The following ADH1C variants were observed in gnomAD, a reference collection of about 807,000 sequenced individuals.
The protein encoded by ADH1C is alcohol dehydrogenase 1C (class I), gamma polypeptide.
A neutral mutation model predicts 35.0 loss-of-function variants in ADH1C; 26 were observed. That is an observed-to-expected ratio of 0.74 (90% CI 0.54 to 1.03). The LOEUF (loss-of-function observed/expected upper bound fraction) is 1.03. Ranked by LOEUF, ADH1C falls within the 50% of genes least tolerant of loss-of-function variation. The probability of loss-of-function intolerance (pLI) is 0.00; values close to 1 mark genes in which losing one functional copy is unlikely to be tolerated. For synonymous variants in ADH1C, 170 were observed against 169.3 expected (o/e 1.00, Z -0.03); for missense variants, 413 against 465.4 (o/e 0.89, Z 1.04).
chr4:99,339,880 T>TGA lies in ADH1C; in HGVS notation c.965-166_965-165insTC, dbSNP rs1479294440. Among the ~76,000 whole-genome samples, 201 of 131,412 alleles carry TGA rather than the reference T, an allele frequency of 1.5e-3. 1 individual carries two copies. The highest frequency in any genetic ancestry group is 4.5e-3 in the African/African-American group (181 of 39,974). 86.2% of individuals were successfully genotyped at this position (131,412 alleles called of 152,430 possible). On this transcript the variant is annotated intron_variant, in intron 7 of 8. Transcript: ENST00000515683. ...ACTTCAATATGCTTTTACAGTGCTT[T>TGA]CACAAAAAAAATCACAGATAAACAA...
intron 1 of ADH1C, among the ~76,000 whole-genome samples, chr4:99,348,551 A>G (rs942694405): frequency 6.7e-6 from 1 of 150,360 alleles, no homozygotes. Flanking sequence ...GTTGGTTCCA[A>G]GTCTTTGCTA....
rs35735210 is a variant in ADH1C, at chr4:99,341,124, T to G, written c.829-414A>C. On this transcript the variant is annotated intron_variant, in intron 6 of 8. Coordinates refer to ENST00000515683, the MANE Select transcript of ADH1C (RefSeq NM_000669.5). Reference sequence around the variant, plus strand: ...TCAGATATTTTGATGATGAACAAGATAAATGAGTATATCACCAAAATTAGT... The same window carrying G: ...TCAGATATTTTGATGATGAACAAGAGAAATGAGTATATCACCAAAATTAGT... 6.8e-4 allele frequency among the ~76,000 whole-genome samples: 103 copies of G among 152,354 alleles called. 1 individual carries two copies. Among genetic ancestry groups the G allele is most frequent in the African/African-American group, 2.4e-3 (100 of 41,584 alleles).
intron 3 of ADH1C, among the ~76,000 whole-genome samples, chr4:99,346,594 C>T (rs1042160759): frequency 6.6e-6 from 1 of 152,100 alleles, no homozygotes; most frequent in South Asian, 2.1e-4. Context: ...GTGAACTCAG[C>T]ACAGAACAGT....
At chr4:99,348,302 G>A (rs1023706652) in intron 1 of ADH1C, among the ~76,000 whole-genome samples, 8 of 125,354 alleles carry the variant, frequency 6.4e-5, no homozygotes, top group African/African-American at 2.5e-4. Flanking sequence ...ATAGTCCCCA[G>A]AGTGTGATAT....
rs1256096633 is a variant in ADH1C, at chr4:99,342,678, G to A, written c.828+117C>T. The stretch of plus-strand genomic sequence containing the variant: ...ACAAGCCAGGTAACAAAAAGATGAC[G>A]GGAAATTTCCATTCATCATTAAAAA... On this transcript the variant is annotated intron_variant, in intron 6 of 8. Coordinates refer to ENST00000515683, the MANE Select transcript of ADH1C (RefSeq NM_000669.5). 4.7e-6 allele frequency: 7 copies of A among 1,480,426 alleles called. No homozygotes were observed. In the East Asian group the frequency reaches 9.1e-5, roughly 19 times the overall value. 91.7% of individuals were successfully genotyped at this position (1,480,426 alleles called of 1,614,324 possible).
chr4:99,344,103 A>T (rs1020945411), intron 5 of ADH1C, among the ~76,000 whole-genome samples: 1 of 152,202 alleles, frequency 6.6e-6, no homozygotes, highest in Non-Finnish European at 1.5e-5. Context: ...TTTGTAAAAG[A>T]TATTTTAGTC....
intron 6 of ADH1C, among the ~76,000 whole-genome samples, chr4:99,342,122 G>A (rs1734430724): frequency 6.6e-6 from 1 of 152,162 alleles, no homozygotes; most frequent in Admixed American, 6.5e-5. Context: ...TATTTTACAT[G>A]CATTGTCTCA....
In ADH1C at chr4:99,339,626, G is replaced by T. The variant is rs35719513; in HGVS notation, c.1054C>A (p.Pro352Thr). ...AATCCTTCATTTATTTTTTCAAAAGGTAAAATATTTGTTATTAATGCATCC... is the reference window on the plus strand; with the variant it reads ...AATCCTTCATTTATTTTTTCAAAAGTTAAAATATTTGTTATTAATGCATCC... The part of the protein sequence containing the change: ...SLDALITNIL[P>T]FEKINEGFDL... Residue 352 changes from proline (P) to threonine (T), a missense_variant, in exon 8 of 9, where the codon CCT (proline) becomes ACT (threonine). Pro to Thr is a conservative substitution (Grantham distance 38). Coordinates refer to ENST00000515683, the MANE Select transcript of ADH1C (RefSeq NM_000669.5). 6,681 of 1,606,172 alleles carry T rather than the reference G, an allele frequency of 4.2e-3. 89 individuals carry two copies. In the Admixed American group the frequency reaches 0.046, roughly 11 times the overall value.
intron 5 of ADH1C, 48 bp downstream of exon 5, chr4:99,344,814 C>T (rs768392939): frequency 1.2e-6 from 2 of 1,610,054 alleles, no homozygotes; most frequent in Non-Finnish European, 1.7e-6. Flanking sequence ...CCTTTTGGTT[C>T]CTGACAGTCT....
intron 5 of ADH1C, among the ~76,000 whole-genome samples, chr4:99,344,394 G>A (rs555438329): frequency 5.3e-5 from 8 of 152,248 alleles, no homozygotes; most frequent in African/African-American, 1.9e-4. Flanking sequence ...CCTTGGTTTC[G>A]AGGTGCATCA....
chr4:99,352,002 G>A (rs920925888), intron 1 of ADH1C, among the ~76,000 whole-genome samples: 12 of 152,074 alleles, frequency 7.9e-5, no homozygotes, highest in Non-Finnish European at 2.9e-5. Flanking sequence ...CTTTTATATA[G>A]GGGAGATACT....
chr4:99,340,816 G>C, intron 6 of ADH1C, 106 bp from the exon 7 acceptor site: 1 of 1,504,024 alleles, frequency 6.6e-7, no homozygotes, highest in South Asian at 1.3e-5. Context: ...AGTGTGTAGA[G>C]GGAAGAGATC....
At chr4:99,340,216 C>T (rs1429987002) in intron 7 of ADH1C, among the ~76,000 whole-genome samples, 4 of 152,018 alleles carry the variant, frequency 2.6e-5, no homozygotes, top group South Asian at 2.1e-4. Context: ...GTCAGGAGTT[C>T]GAGACCACCT....
Position 99,347,100 on chromosome 4 carries a change from A to C in ADH1C, c.165T>G (p.Ser55Arg), listed in dbSNP as rs749381405. ...CAGGAAGGGGGGTCACCAGGTTGCC[A>C]CTAACCACATGCTCATCTGAACGAC... Reference protein sequence around the residue: ...GICRSDEHVVSGNLVTPLPVI... With the variant: ...GICRSDEHVVRGNLVTPLPVI... Residue 55 changes from serine to arginine, a missense_variant, in exon 3 of 9, where the codon AGT becomes AGG. Coordinates refer to ENST00000515683, the MANE Select transcript of ADH1C (RefSeq NM_000669.5). 1 of 1,614,174 alleles carries C rather than the reference A, an allele frequency of 6.2e-7. No homozygotes were observed. The highest frequency in any genetic ancestry group is 1.1e-5 in the South Asian group (1 of 91,076).
chr4:99,349,608 A>T (rs2110663754), intron 1 of ADH1C, among the ~76,000 whole-genome samples: 1 of 152,184 alleles, frequency 6.6e-6, no homozygotes, highest in Admixed American at 6.5e-5. Flanking sequence ...GCTTAGGATG[A>T]TGTCTCTTTC....
chr4:99,342,675 G>A (rs1579529834), intron 6 of ADH1C, 120 bp downstream of exon 6: 2 of 1,474,970 alleles, frequency 1.4e-6, no homozygotes, highest in Admixed American at 4.1e-5. Flanking sequence ...ACAAAAAGAT[G>A]ACGGGAAATT....
In ADH1C at chr4:99,343,034, C is replaced by T. The variant is rs1734453445; in HGVS notation, c.589G>A (p.Ala197Thr). Residue 197 changes from alanine (A) to threonine (T), a missense_variant, in exon 6 of 9, where the codon GCT (alanine) becomes ACT (threonine). By Grantham distance (58) the Ala-to-Thr change is moderately conservative. Coordinates refer to ENST00000515683, the MANE Select transcript of ADH1C (RefSeq NM_000669.5). The stretch of plus-strand genomic sequence containing the variant: ...CCGACCCCTCCCAGGCCAAACACAG[C>T]ACAGGTAGACCCTGGGGTGACCTAT... ...VAKVTPGSTC[A>T]VFGLGGVGLS... is the part of the protein sequence containing the mutation. The T allele has an allele frequency of 6.2e-7, 1 of 1,614,046 alleles. No homozygotes were observed. The highest frequency in any genetic ancestry group is 1.3e-5 in the African/African-American group (1 of 74,916).
chr4:99,340,557 T>C lies in ADH1C; in HGVS notation c.964+18A>G. 1 of 1,613,782 alleles carries C rather than the reference T, an allele frequency of 6.2e-7. No homozygotes were observed. Among genetic ancestry groups the C allele is most frequent in the Non-Finnish European group, 8.5e-7 (1 of 1,179,826 alleles). ...TCTTAGGTTAATGAGAATTTGGCTC[T>C]GAAGCCTAACTACATACCTCCAAAA... On this transcript the variant is annotated intron_variant, in intron 7 of 8. Transcript: ENST00000515683.
intron 2 of ADH1C, 131 bp from the exon 3 acceptor site, chr4:99,347,275 C>A (rs1358404740): frequency 3.5e-6 from 4 of 1,128,340 alleles, no homozygotes; most frequent in Non-Finnish European, 5.0e-6. Context: ...CCTACTATTC[C>A]CAAATATGAA....
Sources: gnomAD v4.1 joint callset for allele counts (sites outside exome capture counted in the v4.1 genomes callset) on GRCh38, gnomAD v4.1.1 for gene constraint, MANE v1.5 for transcripts, NCBI Gene and HGNC (gene_info 2026-07-23, HGNC 2026-07-21) for gene names.